Variants in HPSE2 observed in about 807,000 individuals in gnomAD.
The protein encoded by HPSE2 is inactive heparanase-2.
A neutral mutation model predicts 60.5 loss-of-function variants in HPSE2; 38 were observed. The ratio of observed to expected loss-of-function variants is 0.63; its 90% CI spans 0.48 to 0.82. The LOEUF (loss-of-function observed/expected upper bound fraction) is 0.82. Ranked by LOEUF, HPSE2 falls within the 40% of genes least tolerant of loss-of-function variation. The pLI, the probability that HPSE2 is intolerant of heterozygous loss-of-function variation, is 0.00. For missense variants in HPSE2, 713 were observed against 740.4 expected (o/e 0.96, Z 0.43); for synonymous variants, 295 against 293.2 (o/e 1.01, Z -0.06).
chr10:98,856,667 CTGAA>C (rs1952323459), intron 3 of HPSE2, among the ~76,000 whole-genome samples: 1 of 152,092 alleles, frequency 6.6e-6, no homozygotes, highest in Non-Finnish European at 1.5e-5. Context: ...GTACAACAAT[CTGAA>C]TGTACTTAAT....
chr10:98,987,906 A>G (rs1956410463), intron 3 of HPSE2, among the ~76,000 whole-genome samples: 2 of 152,156 alleles, frequency 1.3e-5, no homozygotes. Flanking sequence ...TGCTTCAAAG[A>G]GAATAAAATA....
chr10:98,476,762 C>A (rs1941039619), intron 11 of HPSE2, among the ~76,000 whole-genome samples: 1 of 151,998 alleles, frequency 6.6e-6, no homozygotes, highest in Non-Finnish European at 1.5e-5. Flanking sequence ...TGCACTCCAG[C>A]CTGGGTGACA....
At chr10:99,106,723 A>C (rs1052886187) in intron 3 of HPSE2, among the ~76,000 whole-genome samples, 2 of 152,164 alleles carry the variant, frequency 1.3e-5, no homozygotes, top group Admixed American at 6.6e-5. Flanking sequence ...TAATCTTCAT[A>C]ATAACCTTAT....
At chr10:98,704,086 A>G (rs1447961664) in intron 5 of HPSE2, among the ~76,000 whole-genome samples, 2 of 152,218 alleles carry the variant, frequency 1.3e-5, no homozygotes, top group Non-Finnish European at 2.9e-5. Context: ...AGACAAAATC[A>G]AAGTGCAAAA....
chr10:99,196,746 C>T (rs1339542728), intron 2 of HPSE2, among the ~76,000 whole-genome samples: 2 of 152,044 alleles, frequency 1.3e-5, no homozygotes, highest in Non-Finnish European at 2.9e-5. Flanking sequence ...AAAAGGAAAT[C>T]CTTGTACATT....
chr10:99,163,752 G>C (rs2133777705), intron 2 of HPSE2, among the ~76,000 whole-genome samples: 1 of 151,578 alleles, frequency 6.6e-6, no homozygotes, highest in East Asian at 1.9e-4. Context: ...ATAATTTCTT[G>C]GTCTTTCCTT....
intron 10 of HPSE2, among the ~76,000 whole-genome samples, chr10:98,483,878 C>G (rs1941341079): frequency 6.6e-6 from 1 of 152,110 alleles, no homozygotes; most frequent in African/African-American, 2.4e-5. Flanking sequence ...ATTATTGCAG[C>G]ATAACCTCAC....
chr10:98,865,859 T>C (rs1178652410), intron 3 of HPSE2, among the ~76,000 whole-genome samples: 3 of 152,128 alleles, frequency 2.0e-5, no homozygotes, highest in Non-Finnish European at 4.4e-5. Context: ...AGCTCTAGAC[T>C]GAACATTGCT....
chr10:99,136,829 G>A (rs1006021945), intron 3 of HPSE2, among the ~76,000 whole-genome samples: 3 of 151,978 alleles, frequency 2.0e-5, no homozygotes, highest in Non-Finnish European at 1.5e-5. Context: ...GAAAACCAGC[G>A]AAAGACAAGG....
chr10:99,045,953 T>C (rs975488205), intron 3 of HPSE2, among the ~76,000 whole-genome samples: 72 of 152,184 alleles, frequency 4.7e-4, no homozygotes, highest in Middle Eastern at 3.4e-3. Flanking sequence ...TTCCAAAAAA[T>C]TGAAGAGGAG....
At chr10:99,198,404 C>T (rs1434064152) in intron 2 of HPSE2, among the ~76,000 whole-genome samples, 1 of 152,184 alleles carries the variant, frequency 6.6e-6, no homozygotes, top group African/African-American at 2.4e-5. Flanking sequence ...ATAATCAATA[C>T]ATCTTTGCAT....
intron 3 of HPSE2, among the ~76,000 whole-genome samples, chr10:98,751,030 T>TC (rs371349999): frequency 6.6e-5 from 10 of 152,176 alleles, no homozygotes; most frequent in African/African-American, 2.2e-4. Flanking sequence ...TCCCAGCTCT[T>TC]CCCCCTCCTC....
chr10:99,023,958 C>T (rs1018923388), intron 3 of HPSE2, among the ~76,000 whole-genome samples: 1 of 152,212 alleles, frequency 6.6e-6, no homozygotes. Flanking sequence ...TAAGCATCAA[C>T]ACCACCCAGG....
chr10:98,760,061 A>G (rs1292960564), intron 3 of HPSE2, among the ~76,000 whole-genome samples: 1 of 152,102 alleles, frequency 6.6e-6, no homozygotes, highest in African/African-American at 2.4e-5. Flanking sequence ...GGGGTTTTAA[A>G]AAATATCATT....
intron 7 of HPSE2, among the ~76,000 whole-genome samples, chr10:98,628,792 A>G (rs1349897237): frequency 6.6e-6 from 1 of 152,058 alleles, no homozygotes; most frequent in African/African-American, 2.4e-5. Context: ...GGGGACTATG[A>G]GTACTGTTTC....
chr10:98,703,878 C>T (rs1222424252), intron 5 of HPSE2, among the ~76,000 whole-genome samples: 1 of 152,160 alleles, frequency 6.6e-6, no homozygotes, highest in Non-Finnish European at 1.5e-5. Context: ...TGCCGTCTCT[C>T]ACCACTCCTA....
chr10:99,098,721 T>TCA (rs987605047), intron 3 of HPSE2, among the ~76,000 whole-genome samples: 1 of 152,148 alleles, frequency 6.6e-6, no homozygotes, highest in African/African-American at 2.4e-5. Flanking sequence ...AAGAAAAAAG[T>TCA]CACAGAATCA....
intron 9 of HPSE2, among the ~76,000 whole-genome samples, chr10:98,510,297 C>T (rs1319518927): frequency 6.6e-6 from 1 of 152,198 alleles, no homozygotes; most frequent in Non-Finnish European, 1.5e-5. Context: ...TACCCCTTTC[C>T]ATGGGGCAAG....
At chr10:98,892,229 T>G (rs1294777890) in intron 3 of HPSE2, among the ~76,000 whole-genome samples, 2 of 151,650 alleles carry the variant, frequency 1.3e-5, no homozygotes, top group Non-Finnish European at 2.9e-5. Flanking sequence ...AAAGAAAAAT[T>G]TACACTATAT....
Sources: gnomAD v4.1 joint callset for allele counts (sites outside exome capture counted in the v4.1 genomes callset) on GRCh38, gnomAD v4.1.1 for gene constraint, MANE v1.5 for transcripts, NCBI Gene and HGNC (gene_info 2026-07-23, HGNC 2026-07-21) for gene names.